The following CSMD1 variants were observed in gnomAD, a reference collection of about 807,000 sequenced individuals.
CSMD1 encodes the protein CUB and Sushi multiple domains 1.
A neutral mutation model predicts 417.5 loss-of-function variants in CSMD1; 213 were observed. The observed-to-expected ratio is 0.51, with a 90% CI of 0.46 to 0.57. The LOEUF (loss-of-function observed/expected upper bound fraction) is 0.57. CSMD1 is among the 20% of genes least tolerant of loss of function. CSMD1 has a pLI of 0.00. For missense variants in CSMD1, 6,923 were observed against 4,529.7 expected (o/e 1.53, Z -15.17); for synonymous variants, 2,862 against 1,736.8 (o/e 1.65, Z -16.11).
chr8:3,558,722 T>C (rs1049826084), intron 10 of CSMD1, among the ~76,000 whole-genome samples: 5 of 150,634 alleles, frequency 3.3e-5, no homozygotes, highest in Non-Finnish European at 7.4e-5. Context: ...AGTGCTTCAG[T>C]AGTACCCCGT....
intron 67 of CSMD1, 44 bp downstream of exon 67, chr8:2,950,187 T>C (rs755579216): frequency 2.4e-6 from 3 of 1,252,168 alleles, no homozygotes; most frequent in Non-Finnish European, 3.5e-6. Flanking sequence ...AGAGAGATGA[T>C]TAGAAAGCCT....
intron 7 of CSMD1, among the ~76,000 whole-genome samples, chr8:3,649,645 A>T (rs1185499136): frequency 6.6e-6 from 1 of 152,136 alleles, no homozygotes; most frequent in Non-Finnish European, 1.5e-5. Context: ...GCACGGAGAA[A>T]CCACCCCCAT....
chr8:4,776,756 T>C (rs1023136480), intron 1 of CSMD1, among the ~76,000 whole-genome samples: 2 of 151,828 alleles, frequency 1.3e-5, no homozygotes, highest in African/African-American at 2.4e-5. Context: ...CTCAGTTATA[T>C]TTTAGAAAAA....
At chr8:4,178,015 G>C (rs1243004096) in intron 3 of CSMD1, among the ~76,000 whole-genome samples, 1 of 152,162 alleles carries the variant, frequency 6.6e-6, no homozygotes, top group Non-Finnish European at 1.5e-5. Context: ...GGAGGAACTA[G>C]TACCATTCCT....
At chr8:3,311,343 G>C (rs915389647) in intron 23 of CSMD1, among the ~76,000 whole-genome samples, 6 of 151,968 alleles carry the variant, frequency 3.9e-5, no homozygotes, top group Non-Finnish European at 8.8e-5. Flanking sequence ...TCCATCTCCT[G>C]GGTTCCAGTG....
At chr8:3,495,366 T>A (rs941444192) in intron 10 of CSMD1, among the ~76,000 whole-genome samples, 1 of 152,184 alleles carries the variant, frequency 6.6e-6, no homozygotes, top group Non-Finnish European at 1.5e-5. Context: ...TGATAATTCA[T>A]TAAGGTTTGT....
At position 4,037,026 on chromosome 8, in the gene CSMD1, G is replaced by A. The variant is rs541719646; in HGVS notation, c.416-4927C>T. ...CTGCCATGGTAGTGTGTCCTGTCCAGGGCTGGTGACCACCTGGCACCCGGA... is the reference window on the plus strand; with the variant it reads ...CTGCCATGGTAGTGTGTCCTGTCCAAGGCTGGTGACCACCTGGCACCCGGA... On this transcript the variant is annotated intron_variant, in intron 3 of 69. Transcript: ENST00000635120. Among the ~76,000 whole-genome samples, 18 of 151,782 alleles carry A rather than the reference G, an allele frequency of 1.2e-4. 1 individual carries two copies. The South Asian group carries it at 3.5e-3, about 30-fold the overall frequency.
intron 4 of CSMD1, among the ~76,000 whole-genome samples, chr8:4,020,700 G>A (rs11997796): frequency 0.025 from 3,796 of 152,244 alleles, 143 homozygotes; most frequent in African/African-American, 0.086. Flanking sequence ...CTCCCTCAGC[G>A]AATCCGCGTG....
chr8:3,326,600 G>C (rs1186281881), intron 23 of CSMD1, among the ~76,000 whole-genome samples: 1 of 152,106 alleles, frequency 6.6e-6, no homozygotes. Context: ...ACTTTCTAAC[G>C]TAAACCAGGA....
intron 10 of CSMD1, among the ~76,000 whole-genome samples, chr8:3,494,807 A>G (rs1796299719): frequency 2.0e-5 from 3 of 152,222 alleles, no homozygotes; most frequent in Admixed American, 1.3e-4. Context: ...ACATTTTAAT[A>G]AACTGTGTTT....
At chr8:3,130,798 C>G (rs1031564753) in intron 41 of CSMD1, among the ~76,000 whole-genome samples, 1 of 152,158 alleles carries the variant, frequency 6.6e-6, no homozygotes, top group African/African-American at 2.4e-5. Flanking sequence ...ACAGCAGGCA[C>G]CACTAACACA....
intron 25 of CSMD1, chr8:3,284,611 G>A (rs1803007348): frequency 2.3e-6 from 1 of 432,606 alleles, no homozygotes; most frequent in Admixed American, 3.7e-5. Flanking sequence ...TCCATTTTAG[G>A]ATAAAAGGAT....
intron 2 of CSMD1, among the ~76,000 whole-genome samples, chr8:4,614,815 G>T (rs546125720): frequency 1.2e-3 from 181 of 152,128 alleles, no homozygotes; most frequent in Middle Eastern, 3.4e-3. Context: ...ATTCTTAAAA[G>T]ATAATCAGAC....
At chr8:4,898,681 C>G (rs1401074583) in intron 1 of CSMD1, among the ~76,000 whole-genome samples, 1 of 151,952 alleles carries the variant, frequency 6.6e-6, no homozygotes, top group African/African-American at 2.4e-5. Context: ...ACAGGAAAGA[C>G]TGAGAAAAAC....
At chr8:4,283,508 T>A (rs967140530) in intron 3 of CSMD1, among the ~76,000 whole-genome samples, 1 of 152,204 alleles carries the variant, frequency 6.6e-6, no homozygotes, top group Admixed American at 6.5e-5. Context: ...TGTCCAATCA[T>A]TTTATAGAAC....
chr8:4,625,915 G>A (rs992527039), intron 2 of CSMD1, among the ~76,000 whole-genome samples: 3 of 151,978 alleles, frequency 2.0e-5, no homozygotes, highest in Non-Finnish European at 4.4e-5. Flanking sequence ...GTAGAGACGG[G>A]GTTTCACCAT....
intron 7 of CSMD1, among the ~76,000 whole-genome samples, chr8:3,635,752 G>T (rs185375385): frequency 7.0e-6 from 1 of 142,610 alleles, no homozygotes; most frequent in Non-Finnish European, 1.5e-5. Context: ...CGAAGTGCTG[G>T]GATTACAGGT....
intron 2 of CSMD1, among the ~76,000 whole-genome samples, chr8:4,487,390 C>G (rs751950126): frequency 3.9e-5 from 6 of 152,094 alleles, no homozygotes; most frequent in Non-Finnish European, 5.9e-5. Flanking sequence ...TGTTCAGTTC[C>G]CATCTATGAG....
At chr8:4,648,999 A>T (rs1803712695) in intron 1 of CSMD1, among the ~76,000 whole-genome samples, 1 of 152,206 alleles carries the variant, frequency 6.6e-6, no homozygotes, top group Non-Finnish European at 1.5e-5. Context: ...TTCAATAAAC[A>T]TATCTATACT....
Sources: gnomAD v4.1 joint callset for allele counts (sites outside exome capture counted in the v4.1 genomes callset) on GRCh38, gnomAD v4.1.1 for gene constraint, MANE v1.5 for transcripts, NCBI Gene and HGNC (gene_info 2026-07-23, HGNC 2026-07-21) for gene names.